Variants in TCF12 observed in about 807,000 individuals in gnomAD.
The protein encoded by TCF12 is DNA-binding protein HTF4.
In TCF12, 45 loss-of-function variants were observed where a neutral mutation model predicts 86.0. That is an observed-to-expected ratio of 0.52 (90% CI 0.41 to 0.67). The LOEUF (loss-of-function observed/expected upper bound fraction) is 0.67. Ranked by LOEUF, TCF12 falls within the 30% of genes least tolerant of loss-of-function variation. TCF12 has a pLI of 0.00. For synonymous variants in TCF12, 330 were observed against 299.6 expected, an observed-to-expected ratio of 1.10 and a Z score of -1.05; for missense variants, 881 against 859.9, an observed-to-expected ratio of 1.02 and a Z score of -0.31.
rs962795090 is a variant in TCF12 at position 57,078,703 on chromosome 15, A to G, written c.223-13086A>G. ...AATAAGATGAGTGTTGAAGGAGAAA[A>G]TGGGGGCTAAAAATCGAGAGCAGGT... On this transcript the variant is annotated intron_variant, in intron 4 of 20. Coordinates refer to ENST00000333725, the MANE Select transcript of TCF12 (RefSeq NM_207037.2). 3.9e-5 allele frequency among the ~76,000 whole-genome samples: 6 copies of G among 152,222 alleles called. No individual in the cohort carries two copies. In the East Asian group the frequency reaches 1.2e-3, roughly 29 times the overall value.
intron 19 of TCF12, among the ~76,000 whole-genome samples, chr15:57,277,051 C>T (rs773678096): frequency 3.9e-5 from 6 of 152,216 alleles, no homozygotes; most frequent in Non-Finnish European, 8.8e-5. Context: ...GGTGATCCGC[C>T]TACCTCAGCC....
chr15:57,285,692 T>G (rs1289858458), intron 20 of TCF12, among the ~76,000 whole-genome samples: 1 of 152,200 alleles, frequency 6.6e-6, no homozygotes, highest in African/African-American at 2.4e-5. Flanking sequence ...GTTATTAAAA[T>G]GAAGGTTTGC....
In TCF12 at chr15:57,123,968, C is replaced by CAAAAAAAAAAAAAAAAAA. The variant is rs71113066; in HGVS notation, c.325+32091_325+32092insAAAAAAAAAAAAAAAAAA. ...TGGGCGACAGAGTGAGACTCCGTCT[C>CAAAAAAAAAAAAAAAAAA]AAAAAAAAAAAAAATTTTTTTTTTT... On this transcript the variant is annotated intron_variant, in intron 5 of 20. Transcript: ENST00000333725. 3.5e-3 allele frequency among the ~76,000 whole-genome samples: 287 copies of CAAAAAAAAAAAAAAAAAA among 80,896 alleles called. 5 individuals are homozygous for CAAAAAAAAAAAAAAAAAA. The highest frequency in any genetic ancestry group is 0.01 in the African/African-American group (248 of 24,118). The allele number at this position is 80,896 out of a possible 152,430, so 53.1% of individuals were successfully genotyped here. A position where few individuals can be genotyped will look rare whatever the true frequency, so the allele number is the denominator to read the frequency against.
chr15:57,255,759 G>A (rs1283884034), intron 16 of TCF12, among the ~76,000 whole-genome samples: 1 of 152,068 alleles, frequency 6.6e-6, no homozygotes, highest in Non-Finnish European at 1.5e-5. Flanking sequence ...TGGGATTACA[G>A]GTGTGAGCCA....
chr15:57,116,869 A>C (rs1423913014), intron 5 of TCF12, among the ~76,000 whole-genome samples: 2 of 152,148 alleles, frequency 1.3e-5, no homozygotes, highest in African/African-American at 2.4e-5. Context: ...AGCTGAGAAG[A>C]AGCTTGGGGA....
intron 5 of TCF12, among the ~76,000 whole-genome samples, chr15:57,141,336 C>A (rs1245357377): frequency 5.9e-5 from 9 of 152,158 alleles, no homozygotes; most frequent in African/African-American, 1.9e-4. Context: ...ATTAACTAAC[C>A]ATTCCCCACT....
intron 4 of TCF12, 57 bp downstream of exon 4, chr15:57,063,880 C>T (rs920906986): frequency 1.7e-5 from 23 of 1,315,488 alleles, no homozygotes; most frequent in Middle Eastern, 1.9e-4. Context: ...TACGTAATTT[C>T]TTTCATATAT....
chr15:57,140,236 A>C (rs1386567846), intron 5 of TCF12, among the ~76,000 whole-genome samples: 1 of 152,216 alleles, frequency 6.6e-6, no homozygotes, highest in Non-Finnish European at 1.5e-5. Context: ...AAAGAAAGGA[A>C]ATTCTGACAC....
At chr15:57,202,034 C>G (rs2057566709) in intron 8 of TCF12, among the ~76,000 whole-genome samples, 2 of 152,170 alleles carry the variant, frequency 1.3e-5, no homozygotes, top group South Asian at 4.1e-4. Flanking sequence ...TGGTGCAAGA[C>G]TTCATGTGTG....
intron 12 of TCF12, among the ~76,000 whole-genome samples, chr15:57,242,175 T>G (rs546490648): frequency 4.3e-4 from 65 of 152,302 alleles, no homozygotes; most frequent in African/African-American, 1.5e-3. Context: ...GCTCTTAAGT[T>G]TATTCAAAGC....
chr15:57,155,191 TCTTC>T (rs1164653392), intron 5 of TCF12, among the ~76,000 whole-genome samples: 1 of 152,176 alleles, frequency 6.6e-6, no homozygotes, highest in Non-Finnish European at 1.5e-5. Context: ...TTTTTTCTTT[TCTTC>T]CTTCCTTCAT....
intron 5 of TCF12, among the ~76,000 whole-genome samples, chr15:57,144,052 A>C (rs2053187148): frequency 6.6e-6 from 1 of 152,220 alleles, no homozygotes; most frequent in Admixed American, 6.5e-5. Context: ...GTAATATTTT[A>C]GGATAGCATA....
chr15:57,130,946 T>C (rs1469732858), intron 5 of TCF12, among the ~76,000 whole-genome samples: 1 of 152,194 alleles, frequency 6.6e-6, no homozygotes, highest in African/African-American at 2.4e-5. Context: ...TTAAACTAAA[T>C]TTTATCTGAC....
In TCF12 at chr15:57,253,326, C is replaced by G; in HGVS notation, c.1325C>G (p.Ala442Gly). Residue 442 changes from alanine to glycine, a missense_variant, in exon 16 of 21, where the codon GCT becomes GGT. Ala to Gly is a moderately conservative substitution (Grantham distance 60, BLOSUM62 0). Transcript: ENST00000333725. ...GCAATCCATGTGCTGCGGAACCATG[C>G]TGTGGGACCTTCCACCAGTTTGCCT... ...DDAIHVLRNHAVGPSTSLPAG... is the reference protein window; with the variant it reads ...DDAIHVLRNHGVGPSTSLPAG... 1 of 1,614,036 alleles carries G rather than the reference C, an allele frequency of 6.2e-7. No individual in the cohort carries two copies. Among genetic ancestry groups the G allele is most frequent in the Middle Eastern group, 1.7e-4 (1 of 6,060 alleles).
chr15:56,930,703 G>GT (rs60934031), intron 3 of TCF12, among the ~76,000 whole-genome samples: 74 of 144,268 alleles, frequency 5.1e-4, no homozygotes, highest in Admixed American at 7.6e-4. Context: ...GTATCAGCTA[G>GT]TTTTTTTTTT....
intron 14 of TCF12, among the ~76,000 whole-genome samples, chr15:57,251,684 G>A (rs1422127526): frequency 2.0e-5 from 3 of 151,664 alleles, no homozygotes; most frequent in Non-Finnish European, 2.9e-5. Flanking sequence ...ACAAATCTAG[G>A]GCTTAATCTT....
intron 8 of TCF12, among the ~76,000 whole-genome samples, chr15:57,211,980 C>A (rs79444027): frequency 2.7e-3 from 2 of 738 alleles, no homozygotes; most frequent in African/African-American, 9.7e-3. Flanking sequence ...ACACACACAC[C>A]ACACACACAC....
At chr15:57,017,214 C>G (rs1413041680) in intron 3 of TCF12, among the ~76,000 whole-genome samples, 1 of 152,100 alleles carries the variant, frequency 6.6e-6, no homozygotes, top group African/African-American at 2.4e-5. Context: ...TTGAGGGCCT[C>G]GTAGCCCCAT....
At chr15:57,127,781 T>TA (rs1171172322) in intron 5 of TCF12, among the ~76,000 whole-genome samples, 1 of 152,188 alleles carries the variant, frequency 6.6e-6, no homozygotes, top group Admixed American at 6.5e-5. Context: ...TCTTCACTAT[T>TA]ACGTCGGTTG....
Sources: gnomAD v4.1 joint callset for allele counts (sites outside exome capture counted in the v4.1 genomes callset) on GRCh38, gnomAD v4.1.1 for gene constraint, MANE v1.5 for transcripts, NCBI Gene and HGNC (gene_info 2026-07-23, HGNC 2026-07-21) for gene names.